XKR6: variants seen among roughly 807,000 people sequenced by gnomAD.
XKR6 encodes the protein XK-related protein 6.
XKR6 carries 22 observed loss-of-function variants against 56.7 expected under a neutral mutation model. The ratio of observed to expected loss-of-function variants is 0.39; its 90% CI spans 0.28 to 0.55. XKR6 has a LOEUF of 0.55. Among genes scored for constraint, XKR6 ranks in the 20% least tolerant of loss-of-function variants. The pLI is 0.66. For missense variants in XKR6, 852 were observed against 889.0 expected (o/e 0.96, Z 0.53); for synonymous variants, 524 against 387.8 (o/e 1.35, Z -4.13).
At chr8:10,944,992 G>A (rs942457000) in intron 1 of XKR6, among the ~76,000 whole-genome samples, 4 of 152,122 alleles carry the variant, frequency 2.6e-5, no homozygotes, top group East Asian at 3.9e-4. Flanking sequence ...GGCAGAATGC[G>A]GTAGATGTCG....
chr8:11,174,132 C>T (rs761102743), intron 1 of XKR6, among the ~76,000 whole-genome samples: 2 of 152,236 alleles, frequency 1.3e-5, no homozygotes, highest in Admixed American at 6.5e-5. Flanking sequence ...CCATGCAACA[C>T]ACTGGCTAAG....
chr8:11,132,264 G>T (rs549451316), intron 1 of XKR6, among the ~76,000 whole-genome samples: 2 of 152,226 alleles, frequency 1.3e-5, no homozygotes, highest in South Asian at 4.1e-4. Context: ...GTCACAGGTG[G>T]TACTTACAGA....
chr8:11,190,334 G>GC (rs992829652), intron 1 of XKR6, among the ~76,000 whole-genome samples: 53 of 152,096 alleles, frequency 3.5e-4, no homozygotes, highest in African/African-American at 1.1e-3. Context: ...GGATACAACT[G>GC]CTGTTCTCAA....
At chr8:11,145,167 G>A (rs1800919542) in intron 1 of XKR6, among the ~76,000 whole-genome samples, 1 of 152,054 alleles carries the variant, frequency 6.6e-6, no homozygotes, top group Non-Finnish European at 1.5e-5. Flanking sequence ...AATGCTCACT[G>A]GAGCATTTTG....
rs764244168 is a variant in XKR6, at chr8:10,896,784, C to T, written c.*1168G>A. On this transcript the variant is annotated 3_prime_UTR_variant, in exon 3 of 3. Coordinates refer to ENST00000416569, the MANE Select transcript of XKR6 (RefSeq NM_173683.4). ...TGTGTTATTTTTTTTTTTAAAAAAGCACAAATGAAAAATGAAGAATTCTTT... is the reference window on the plus strand; with the variant it reads ...TGTGTTATTTTTTTTTTTAAAAAAGTACAAATGAAAAATGAAGAATTCTTT... 96 of 149,896 alleles carry T rather than the reference C, an allele frequency of 6.4e-4. 1 individual carries two copies. Among genetic ancestry groups the T allele is most frequent in the African/African-American group, 2.3e-3 (92 of 40,510 alleles). The allele number at this position is 149,896 out of a possible 1,614,324, so 9.3% of individuals were successfully genotyped here.
intron 1 of XKR6, among the ~76,000 whole-genome samples, chr8:11,199,195 A>AC (rs1290764943): frequency 1.3e-5 from 2 of 152,126 alleles, no homozygotes; most frequent in Admixed American, 1.3e-4. Context: ...CTAGTAAACA[A>AC]CTCTGGGTGG....
At chr8:10,960,982 AG>A (rs1291290865) in intron 1 of XKR6, among the ~76,000 whole-genome samples, 1 of 152,186 alleles carries the variant, frequency 6.6e-6, no homozygotes, top group African/African-American at 2.4e-5. Flanking sequence ...GGGTAGGGCC[AG>A]GAGCATTTGT....
intron 1 of XKR6, among the ~76,000 whole-genome samples, chr8:11,080,593 G>GC (rs111858726): frequency 1 from 152,299 of 152,346 alleles, 76,126 homozygotes; most frequent in East Asian, 1. Context: ...GTCTGGGCAG[G>GC]CCCCCAGGTG....
At chr8:11,089,213 T>C (rs1381909031) in intron 1 of XKR6, among the ~76,000 whole-genome samples, 2 of 152,114 alleles carry the variant, frequency 1.3e-5, no homozygotes, top group African/African-American at 4.8e-5. Context: ...TTGTCTGATC[T>C]AGAGTGCCAG....
intron 1 of XKR6, among the ~76,000 whole-genome samples, chr8:11,015,295 C>G (rs1487013409): frequency 6.6e-6 from 1 of 151,844 alleles, no homozygotes; most frequent in African/African-American, 2.4e-5. Flanking sequence ...TATTTTTACT[C>G]TTCTGAGCAC....
At chr8:11,065,869 G>T (rs1320475736) in intron 1 of XKR6, among the ~76,000 whole-genome samples, 1 of 152,234 alleles carries the variant, frequency 6.6e-6, no homozygotes, top group Non-Finnish European at 1.5e-5. Context: ...GCACGTCGTA[G>T]GTGCCCCATA....
Position 11,024,951 on chromosome 8 carries a change from G to A in XKR6, c.765-100121C>T, listed in dbSNP as rs73196894. Reference sequence around the variant, plus strand: ...CACTCACCATTAGGTGGTCAAGACCGGCTCTCTAAAGTGGCTGCCTCAGGC... The same window carrying A: ...CACTCACCATTAGGTGGTCAAGACCAGCTCTCTAAAGTGGCTGCCTCAGGC... On this transcript the variant is annotated intron_variant, in intron 1 of 2. Coordinates refer to ENST00000416569, the MANE Select transcript of XKR6 (RefSeq NM_173683.4). Among the ~76,000 whole-genome samples, 653 of 152,286 alleles carry A rather than the reference G, an allele frequency of 4.3e-3. 2 individuals carry two copies. Among genetic ancestry groups the A allele is most frequent in the Non-Finnish European group, 7.3e-3 (499 of 68,008 alleles).
chr8:11,032,759 A>G (rs943999816), intron 1 of XKR6, among the ~76,000 whole-genome samples: 2 of 152,178 alleles, frequency 1.3e-5, no homozygotes, highest in African/African-American at 2.4e-5. Context: ...CACCCCTCCA[A>G]GCCCTGCCTC....
chr8:11,073,578 C>G (rs960999009), intron 1 of XKR6, among the ~76,000 whole-genome samples: 3 of 152,188 alleles, frequency 2.0e-5, no homozygotes, highest in Non-Finnish European at 4.4e-5. Flanking sequence ...CTGATCAATA[C>G]TGAAGATGAA....
At chr8:11,140,172 G>C (rs748641063) in intron 1 of XKR6, among the ~76,000 whole-genome samples, 8 of 151,032 alleles carry the variant, frequency 5.3e-5, no homozygotes, top group Non-Finnish European at 8.9e-5. Flanking sequence ...GAGAAGAAAT[G>C]AATACTAAAG....
chr8:11,114,185 T>C, intron 1 of XKR6: 6 of 358,574 alleles, frequency 1.7e-5, no homozygotes, highest in South Asian at 1.1e-4. Context: ...GCCATTTTTA[T>C]CACAGAAAAA....
chr8:10,950,497 G>A (rs1439858836), intron 1 of XKR6, among the ~76,000 whole-genome samples: 3 of 152,182 alleles, frequency 2.0e-5, no homozygotes, highest in African/African-American at 7.2e-5. Context: ...TCAGCATCTT[G>A]AGCCTCAGTC....
intron 1 of XKR6, among the ~76,000 whole-genome samples, chr8:11,074,865 A>C (rs776387205): frequency 2.0e-5 from 3 of 152,214 alleles, no homozygotes; most frequent in Admixed American, 6.5e-5. Flanking sequence ...GAGCAGGATG[A>C]GCAAAACAGC....
intron 1 of XKR6, among the ~76,000 whole-genome samples, chr8:11,193,371 G>A (rs1031074684): frequency 6.6e-6 from 1 of 151,998 alleles, no homozygotes; most frequent in African/African-American, 2.4e-5. Flanking sequence ...AATACCATAG[G>A]GTGCTGTAGT....
Sources: allele counts gnomAD v4.1 joint callset (sites outside exome capture counted in the v4.1 genomes callset), GRCh38; gene constraint gnomAD v4.1.1; transcripts MANE v1.5; gene names NCBI Gene and HGNC (gene_info 2026-07-23, HGNC 2026-07-21).